The following TMEM178B variants were observed in gnomAD, a reference collection of about 807,000 sequenced individuals.
TMEM178B encodes the protein transmembrane protein 178B.
In TMEM178B, 5 loss-of-function variants were observed where a neutral mutation model predicts 31.0. The observed-to-expected ratio is 0.16, with a 90% CI of 0.08 to 0.34. The LOEUF (loss-of-function observed/expected upper bound fraction) is 0.34. Among genes scored for constraint, TMEM178B ranks in the 10% least tolerant of loss-of-function variants. The pLI is 1.00. For synonymous variants in TMEM178B, 164 were observed against 164.0 expected, an observed-to-expected ratio of 1.00 and a Z score of 0.00; for missense variants, 275 against 400.3, an observed-to-expected ratio of 0.69 and a Z score of 2.67.
At chr7:141,388,034 TG>T (rs1800466447) in intron 2 of TMEM178B, among the ~76,000 whole-genome samples, 1 of 152,224 alleles carries the variant, frequency 6.6e-6, no homozygotes, top group East Asian at 1.9e-4. Context: ...CAGCAGATTC[TG>T]GGGTGTGTGT....
intron 2 of TMEM178B, among the ~76,000 whole-genome samples, chr7:141,229,071 A>AT (rs1290234174): frequency 1.8e-4 from 14 of 79,888 alleles, no homozygotes; most frequent in African/African-American, 5.3e-4. Context: ...ATGACTAGGG[A>AT]TTTTTTTTGC....
chr7:141,094,807 T>G (rs1321112276), intron 1 of TMEM178B, among the ~76,000 whole-genome samples: 1 of 152,242 alleles, frequency 6.6e-6, no homozygotes, highest in African/African-American at 2.4e-5. Flanking sequence ...CTGCTTTATT[T>G]TCAGGCTGAA....
At chr7:141,490,754 A>C in the TMEM178B span, among the ~76,000 whole-genome samples, 2 of 152,318 alleles carry the variant, frequency 1.3e-5, no homozygotes, top group Non-Finnish European at 2.9e-5. Context: ...ACACATCAGC[A>C]TAAGGTTGCT....
At chr7:141,421,145 G>C (rs946543278) in intron 2 of TMEM178B, among the ~76,000 whole-genome samples, 3 of 152,126 alleles carry the variant, frequency 2.0e-5, no homozygotes, top group African/African-American at 7.2e-5. Flanking sequence ...TATGCAATGG[G>C]CTTTGGAAAA....
chr7:141,106,944 G>T (rs993178510), intron 1 of TMEM178B, among the ~76,000 whole-genome samples: 2 of 152,200 alleles, frequency 1.3e-5, no homozygotes, highest in African/African-American at 2.4e-5. Flanking sequence ...GGAGGCTGAT[G>T]AATGTTTTGG....
At chr7:141,269,635 G>A (rs1057073014) in intron 2 of TMEM178B, among the ~76,000 whole-genome samples, 1 of 151,964 alleles carries the variant, frequency 6.6e-6, no homozygotes, top group African/African-American at 2.4e-5. Context: ...TTGGAGTCTT[G>A]TGTTTCTCAT....
intron 3 of TMEM178B, among the ~76,000 whole-genome samples, chr7:141,462,824 C>A (rs1802082190): frequency 6.6e-6 from 1 of 151,918 alleles, no homozygotes; most frequent in Non-Finnish European, 1.5e-5. Flanking sequence ...AGGTCCAGAG[C>A]ACCGAGACTA....
rs1414307606 is a variant in TMEM178B, at chr7:141,365,465, C to T, written c.497-72143C>T. Among the ~76,000 whole-genome samples, 4 of 152,180 alleles carry T rather than the reference C, an allele frequency of 2.6e-5. No individual in the cohort carries two copies. The East Asian group carries it at 7.7e-4, about 29-fold the overall frequency. On this transcript the variant is annotated intron_variant, in intron 2 of 3. Transcript: ENST00000565468. ...AGGACCTGTATGAATTGGGGCCCATCTCCTTCACCCCTCTGAGCCTCAGTT... is the reference window on the plus strand; with the variant it reads ...AGGACCTGTATGAATTGGGGCCCATTTCCTTCACCCCTCTGAGCCTCAGTT...
intron 2 of TMEM178B, among the ~76,000 whole-genome samples, chr7:141,246,129 G>A (rs1460196095): frequency 6.6e-6 from 1 of 152,060 alleles, no homozygotes; most frequent in Non-Finnish European, 1.5e-5. Context: ...GAGGGGATGA[G>A]TCTGAATAAG....
intron 2 of TMEM178B, among the ~76,000 whole-genome samples, chr7:141,350,648 A>G (rs926279770): frequency 6.6e-6 from 1 of 152,238 alleles, no homozygotes; most frequent in African/African-American, 2.4e-5. Context: ...ATGTTATTAT[A>G]GTAAGAAAAT....
intron 2 of TMEM178B, among the ~76,000 whole-genome samples, chr7:141,245,977 G>C (rs755585067): frequency 7.2e-5 from 11 of 152,144 alleles, no homozygotes; most frequent in Non-Finnish European, 1.0e-4. Context: ...GATGGGAGTA[G>C]TAGAGTTTGG....
At chr7:141,351,935 G>C (rs1799731467) in intron 2 of TMEM178B, 1 of 152,524 alleles carries the variant, frequency 6.6e-6, no homozygotes, top group Non-Finnish European at 1.5e-5. Flanking sequence ...ACAGAGGCCA[G>C]GGCAGCATGT....
chr7:141,339,665 C>G (rs1417949762), intron 2 of TMEM178B, among the ~76,000 whole-genome samples: 1 of 152,174 alleles, frequency 6.6e-6, no homozygotes, highest in Non-Finnish European at 1.5e-5. Flanking sequence ...AATTCTCACC[C>G]CATCTTCAAG....
intron 1 of TMEM178B, among the ~76,000 whole-genome samples, chr7:141,196,707 G>T (rs1310137874): frequency 2.0e-5 from 3 of 152,116 alleles, no homozygotes; most frequent in Non-Finnish European, 2.9e-5. Flanking sequence ...ACTATATTTG[G>T]TGCTGAGCAG....
chr7:141,325,537 G>A (rs1307017441), intron 2 of TMEM178B, among the ~76,000 whole-genome samples: 1 of 152,084 alleles, frequency 6.6e-6, no homozygotes, highest in Non-Finnish European at 1.5e-5. Flanking sequence ...TGTTTTACCT[G>A]GTCTCCATAG....
intron 2 of TMEM178B, among the ~76,000 whole-genome samples, chr7:141,372,463 T>G (rs541311190): frequency 6.6e-6 from 1 of 152,290 alleles, no homozygotes; most frequent in East Asian, 1.9e-4. Flanking sequence ...ACTCAAATGT[T>G]ACCTTCTCAG....
At chr7:141,125,058 G>GTTAA (rs1322029754) in intron 1 of TMEM178B, among the ~76,000 whole-genome samples, 1 of 152,120 alleles carries the variant, frequency 6.6e-6, no homozygotes, top group Non-Finnish European at 1.5e-5. Flanking sequence ...CTATTGGGGT[G>GTTAA]TTAATTAATT....
chr7:141,490,871 A>T, the TMEM178B span, among the ~76,000 whole-genome samples: 2 of 152,192 alleles, frequency 1.3e-5, no homozygotes, highest in Non-Finnish European at 2.9e-5. Flanking sequence ...CCATGTCTCT[A>T]TGCAGAAAGC....
chr7:141,333,429 G>A (rs1288643622), intron 2 of TMEM178B, among the ~76,000 whole-genome samples: 1 of 152,196 alleles, frequency 6.6e-6, no homozygotes, highest in Admixed American at 6.5e-5. Flanking sequence ...TAGCAAGTGT[G>A]GGAATTGTTG....
Sources: gnomAD v4.1 joint callset for allele counts (sites outside exome capture counted in the v4.1 genomes callset) on GRCh38, gnomAD v4.1.1 for gene constraint, MANE v1.5 for transcripts, NCBI Gene and HGNC (gene_info 2026-07-23, HGNC 2026-07-21) for gene names.